SLC44A3: variants seen among roughly 807,000 people sequenced by gnomAD.
SLC44A3 encodes the protein solute carrier family 44 member 3.
In SLC44A3, 74 loss-of-function variants were observed where a neutral mutation model predicts 75.4. That is an observed-to-expected ratio of 0.98 (90% CI 0.81 to 1.19). The LOEUF (loss-of-function observed/expected upper bound fraction) is 1.19. Among genes scored for constraint, SLC44A3 ranks in the 50% most tolerant of loss-of-function variants. The probability of loss-of-function intolerance (pLI) is 0.00; values close to 1 mark genes in which losing one functional copy is unlikely to be tolerated. For missense variants in SLC44A3, 700 were observed against 778.6 expected (o/e 0.90, Z 1.20); for synonymous variants, 310 against 296.9 (o/e 1.04, Z -0.45).
chr1:94,861,572 G>A (rs776497059), intron 10 of SLC44A3, among the ~76,000 whole-genome samples: 2 of 152,032 alleles, frequency 1.3e-5, no homozygotes, highest in African/African-American at 4.8e-5. Flanking sequence ...CACAACTATT[G>A]CATTTATTAA....
chr1:94,853,893 C>T (rs1172848311), intron 9 of SLC44A3, among the ~76,000 whole-genome samples: 1 of 149,342 alleles, frequency 6.7e-6, no homozygotes, highest in South Asian at 2.1e-4. Context: ...TTTATTGTTC[C>T]GCCTAATAGC....
intron 12 of SLC44A3, among the ~76,000 whole-genome samples, chr1:94,874,751 TG>T (rs1668104263): frequency 6.6e-6 from 1 of 152,182 alleles, no homozygotes; most frequent in African/African-American, 2.4e-5. Flanking sequence ...CAAAGTAGCC[TG>T]TGTAGTATTT....
At chr1:94,878,206 A>G (rs1270660) in intron 12 of SLC44A3, among the ~76,000 whole-genome samples, 48 of 152,114 alleles carry the variant, frequency 3.2e-4, no homozygotes, top group Non-Finnish European at 5.1e-4. Flanking sequence ...CTGCACTCCA[A>G]CCTGGGCGAC....
chr1:94,887,916 C>T (rs1557892160), intron 12 of SLC44A3, among the ~76,000 whole-genome samples: 1 of 152,196 alleles, frequency 6.6e-6, no homozygotes, highest in Non-Finnish European at 1.5e-5. Context: ...GCCCCTGCCA[C>T]ACCTCCTCAG....
rs951404668 is a variant in SLC44A3, at chr1:94,834,732, G to A, written c.510-2979G>A. Among the ~76,000 whole-genome samples the A allele has an allele frequency of 5.9e-5, 9 of 152,210 alleles. No homozygotes were observed. In the East Asian group the frequency reaches 7.7e-4, roughly 13 times the overall value. Reference sequence around the variant, plus strand: ...ACTCCTGACCTCAAGTGATCCACTCGCCTCGGCCTCCCAAAGTGCTAGGAT... The same window carrying A: ...ACTCCTGACCTCAAGTGATCCACTCACCTCGGCCTCCCAAAGTGCTAGGAT... On this transcript the variant is annotated intron_variant, in intron 5 of 14. Coordinates refer to ENST00000271227, the MANE Select transcript of SLC44A3 (RefSeq NM_001114106.3).
intron 9 of SLC44A3, 79 bp downstream of exon 9, chr1:94,845,543 G>T: frequency 7.3e-7 from 1 of 1,378,632 alleles, no homozygotes; most frequent in Non-Finnish European, 9.7e-7. Context: ...GCCTGTTTCT[G>T]TAGGCACCTA....
At chr1:94,833,518 A>G (rs1260195215) in intron 5 of SLC44A3, among the ~76,000 whole-genome samples, 1 of 152,174 alleles carries the variant, frequency 6.6e-6, no homozygotes, top group Admixed American at 6.5e-5. Flanking sequence ...ACTTGTGCAC[A>G]TGCAGCCCAC....
At chr1:94,844,787 A>G (rs938302473) in intron 8 of SLC44A3, among the ~76,000 whole-genome samples, 14 of 152,162 alleles carry the variant, frequency 9.2e-5, no homozygotes, top group Non-Finnish European at 2.9e-5. Context: ...CAGTGGCTGG[A>G]TGGGGATGGA....
chr1:94,888,335 C>A (rs1669827687), intron 12 of SLC44A3, among the ~76,000 whole-genome samples: 1 of 152,168 alleles, frequency 6.6e-6, no homozygotes, highest in African/African-American at 2.4e-5. Flanking sequence ...ACCAGGGGAC[C>A]TGGGGGAAAT....
chr1:94,849,887 G>T (rs1006826198), intron 9 of SLC44A3, among the ~76,000 whole-genome samples: 1 of 151,990 alleles, frequency 6.6e-6, no homozygotes, highest in African/African-American at 2.4e-5. Flanking sequence ...AGTAGCTGGG[G>T]CTGCACATGC....
chr1:94,891,135 A>G lies in SLC44A3; in HGVS notation c.1488A>G (p.Ala496=). Residue 496 remains alanine (A), a synonymous_variant, in exon 13 of 15, where the codon GCA becomes GCG. Transcript: ENST00000271227. ...DKYLLHLNQN[A]YTTTAINGTD... The stretch of plus-strand genomic sequence containing the variant: ...ACAATTCTCTTCTGTTTCAGAATGC[A>G]TATACTACAACTGCTATTAATGGGA... The G allele has an allele frequency of 1.9e-6, 3 of 1,601,306 alleles. No homozygotes were observed. Among genetic ancestry groups the G allele is most frequent in the Non-Finnish European group, 1.7e-6 (2 of 1,176,068 alleles).
At chr1:94,893,525 C>T (rs1450236242) in intron 14 of SLC44A3, among the ~76,000 whole-genome samples, 1 of 152,058 alleles carries the variant, frequency 6.6e-6, no homozygotes, top group South Asian at 2.1e-4. Context: ...GGATTACAGG[C>T]GTGCACCACC....
chr1:94,841,603 G>T (rs1345013893), intron 7 of SLC44A3, among the ~76,000 whole-genome samples: 1 of 152,188 alleles, frequency 6.6e-6, no homozygotes, highest in Non-Finnish European at 1.5e-5. Context: ...CCAATATCCA[G>T]GCTCCACAGG....
chr1:94,872,178 T>C (rs1286291182), intron 12 of SLC44A3, among the ~76,000 whole-genome samples: 2 of 152,308 alleles, frequency 1.3e-5, no homozygotes. Flanking sequence ...CTCGGCTCAC[T>C]ACACCCTCCG....
At chr1:94,850,000 G>A (rs1664994886) in intron 9 of SLC44A3, among the ~76,000 whole-genome samples, 1 of 151,994 alleles carries the variant, frequency 6.6e-6, no homozygotes. Context: ...CACCTGCTTT[G>A]GCCTCCCAAG....
intron 3 of SLC44A3, among the ~76,000 whole-genome samples, chr1:94,826,506 C>T (rs1281960469): frequency 6.6e-6 from 1 of 151,974 alleles, no homozygotes; most frequent in African/African-American, 2.4e-5. Context: ...CAAAAATTAG[C>T]CAGGTGTGGT....
intron 5 of SLC44A3, among the ~76,000 whole-genome samples, chr1:94,829,661 G>A (rs1053104648): frequency 5.3e-5 from 8 of 152,194 alleles, no homozygotes; most frequent in African/African-American, 1.9e-4. Flanking sequence ...ATGCTGAGAT[G>A]TACTAAAGGA....
intron 12 of SLC44A3, among the ~76,000 whole-genome samples, chr1:94,878,096 A>T (rs1049185392): frequency 5.9e-5 from 9 of 152,072 alleles, no homozygotes; most frequent in Admixed American, 2.6e-4. Context: ...TAGCCGGGCG[A>T]GGTGGCGGGC....
chr1:94,832,499 G>A (rs1480615321), intron 5 of SLC44A3, among the ~76,000 whole-genome samples: 2 of 152,146 alleles, frequency 1.3e-5, no homozygotes, highest in Admixed American at 6.5e-5. Context: ...CTTACAGGAT[G>A]TAGTCAGAAA....
Sources: gnomAD v4.1 joint callset for allele counts (sites outside exome capture counted in the v4.1 genomes callset) on GRCh38, gnomAD v4.1.1 for gene constraint, MANE v1.5 for transcripts, NCBI Gene and HGNC (gene_info 2026-07-23, HGNC 2026-07-21) for gene names.